The following CEP112 variants were observed in gnomAD, a reference collection of about 807,000 sequenced individuals.
CEP112 encodes the protein centrosomal protein of 112 kDa.
Under a neutral mutation model 153.0 loss-of-function variants are expected in CEP112, and 127 were observed. That is an observed-to-expected ratio of 0.83 (90% CI 0.72 to 0.96). The LOEUF (loss-of-function observed/expected upper bound fraction) is 0.96, where lower values mean the gene tolerates loss of function less well. Among genes scored for constraint, CEP112 ranks in the 40% least tolerant of loss-of-function variants. The pLI, the probability that CEP112 is intolerant of heterozygous loss-of-function variation, is 0.00. For missense variants in CEP112, 1,089 were observed against 1,101.2 expected (o/e 0.99, Z 0.16); for synonymous variants, 358 against 374.4 (o/e 0.96, Z 0.51).
At chr17:65,792,821 A>G (rs932529635) in intron 21 of CEP112, among the ~76,000 whole-genome samples, 1 of 152,204 alleles carries the variant, frequency 6.6e-6, no homozygotes, top group East Asian at 1.9e-4. Context: ...GCTGGCACTG[A>G]TATGTTTTAG....
Position 66,053,803 on chromosome 17 carries a change from A to G in CEP112, c.1151T>C (p.Leu384Ser), listed in dbSNP as rs371875976. 4 of 1,613,316 alleles carry G rather than the reference A, an allele frequency of 2.5e-6. No individual in the cohort carries two copies. Among genetic ancestry groups the G allele is most frequent in the Non-Finnish European group, 3.4e-6 (4 of 1,179,542 alleles). The change falls in exon 12 of 27, where the codon TTG (leucine) becomes TCG (serine). Residue 384 changes from leucine (L) to serine (S), a missense_variant. Leu to Ser is a moderately radical substitution (Grantham distance 145, BLOSUM62 -2). Transcript: ENST00000535342. ...QKQHTENIQE[L>S]LEDTNVRLNK... Reference sequence around the variant, plus strand: ...CAGACGCACATTTGTATCCTCAAGCAATTCTTGAATGTTTTCAGTGTGTTG... The same window carrying G: ...CAGACGCACATTTGTATCCTCAAGCGATTCTTGAATGTTTTCAGTGTGTTG...
chr17:66,106,071 A>G (rs2068769761), intron 6 of CEP112, among the ~76,000 whole-genome samples: 1 of 152,130 alleles, frequency 6.6e-6, no homozygotes, highest in Non-Finnish European at 1.5e-5. Flanking sequence ...AAAGAAATAA[A>G]GAAGGAAATA....
At chr17:66,023,412 G>A (rs1204097349) in intron 16 of CEP112, among the ~76,000 whole-genome samples, 2 of 152,102 alleles carry the variant, frequency 1.3e-5, no homozygotes, top group Admixed American at 6.5e-5. Flanking sequence ...ATTGGGATCC[G>A]ATCTTCAGAG....
At chr17:66,159,000 A>C (rs1323602561) in intron 4 of CEP112, among the ~76,000 whole-genome samples, 1 of 152,224 alleles carries the variant, frequency 6.6e-6, no homozygotes, top group African/African-American at 2.4e-5. Flanking sequence ...AGACACAATA[A>C]AAAATGATAA....
intron 12 of CEP112, among the ~76,000 whole-genome samples, chr17:66,030,741 A>G (rs1318265287): frequency 6.6e-6 from 1 of 152,186 alleles, no homozygotes; most frequent in African/African-American, 2.4e-5. Flanking sequence ...ATCATCTTTT[A>G]GATACTTTAT....
At chr17:66,024,985 A>G (rs971797723) in intron 16 of CEP112, among the ~76,000 whole-genome samples, 1 of 152,168 alleles carries the variant, frequency 6.6e-6, no homozygotes, top group African/African-American at 2.4e-5. Context: ...ACACCACCAC[A>G]TAACTACAGC....
chr17:65,699,777 A>C (rs148157017), intron 23 of CEP112, among the ~76,000 whole-genome samples: 78 of 152,106 alleles, frequency 5.1e-4, no homozygotes, highest in African/African-American at 1.7e-3. Context: ...ACAGAGGCGC[A>C]CCACTGCACC....
At chr17:65,800,406 C>A (rs181493676) in intron 21 of CEP112, among the ~76,000 whole-genome samples, 57 of 152,146 alleles carry the variant, frequency 3.7e-4, no homozygotes, top group African/African-American at 1.3e-3. Context: ...ATAGTATTTT[C>A]AAGGTTTATC....
chr17:65,909,708 C>T (rs2060213110), intron 19 of CEP112, among the ~76,000 whole-genome samples: 1 of 152,158 alleles, frequency 6.6e-6, no homozygotes, highest in Non-Finnish European at 1.5e-5. Flanking sequence ...AGAACATTCA[C>T]TGGCAGTGAA....
intron 24 of CEP112, among the ~76,000 whole-genome samples, chr17:65,642,145 T>C (rs1038349338): frequency 6.7e-6 from 1 of 149,074 alleles, no homozygotes; most frequent in Non-Finnish European, 1.5e-5. Flanking sequence ...TGGTGTCTTT[T>C]TCCAGCTGTG....
intron 16 of CEP112, among the ~76,000 whole-genome samples, chr17:66,023,349 AC>A (rs1324967156): frequency 4.6e-5 from 7 of 152,188 alleles, no homozygotes; most frequent in Non-Finnish European, 8.8e-5. Flanking sequence ...AAGAAAAAAA[AC>A]ATCAGACTAA....
Position 66,191,061 on chromosome 17 carries a change from C to T in CEP112, c.-9+936G>A, listed in dbSNP as rs186304987. On this transcript the variant is annotated intron_variant, in intron 1 of 26. Coordinates refer to ENST00000535342, the MANE Select transcript of CEP112 (RefSeq NM_001199165.4). This position sits in a 1 kb window ranked among gnomAD's most constrained non-coding sequence, Gnocchi z 4.2. Reference sequence around the variant, plus strand: ...GACAAGAGCCTTCCCTGACTCTACCCGTAGCTCAGTGTGTGCTTTAGAAAC... The same window carrying T: ...GACAAGAGCCTTCCCTGACTCTACCTGTAGCTCAGTGTGTGCTTTAGAAAC... 4.2e-3 allele frequency among the ~76,000 whole-genome samples: 642 copies of T among 152,294 alleles called. 1 individual carries two copies. Among genetic ancestry groups the T allele is most frequent in the South Asian group, 7.5e-3 (36 of 4,828 alleles).
intron 18 of CEP112, among the ~76,000 whole-genome samples, chr17:65,937,663 A>G (rs2061382551): frequency 1.2e-5 from 1 of 82,754 alleles, no homozygotes; most frequent in African/African-American, 4.3e-5. Context: ...CCGGGAGGTG[A>G]GGGGCGCCTC....
chr17:65,694,853 C>T (rs987738718), intron 23 of CEP112, among the ~76,000 whole-genome samples: 1 of 152,170 alleles, frequency 6.6e-6, no homozygotes, highest in Non-Finnish European at 1.5e-5. Flanking sequence ...CACAAAATCA[C>T]AACTTTTAGT....
intron 24 of CEP112, among the ~76,000 whole-genome samples, chr17:65,669,410 T>C (rs574566258): frequency 1.3e-5 from 2 of 152,234 alleles, no homozygotes; most frequent in African/African-American, 4.8e-5. Flanking sequence ...AGGGTATGTA[T>C]AGCCTGGCGA....
chr17:65,872,851 C>G (rs1190669308), intron 20 of CEP112: 1 of 152,062 alleles, frequency 6.6e-6, no homozygotes, highest in South Asian at 2.1e-4. Flanking sequence ...AAAAACATTC[C>G]GCAATTAAAA....
chr17:66,141,352 T>C (rs1424712148), intron 4 of CEP112, among the ~76,000 whole-genome samples: 1 of 151,894 alleles, frequency 6.6e-6, no homozygotes, highest in Non-Finnish European at 1.5e-5. Flanking sequence ...TTGAATCATA[T>C]TGAAAAAAAT....
At chr17:66,008,152 C>T (rs763220122) in intron 16 of CEP112, among the ~76,000 whole-genome samples, 26 of 151,874 alleles carry the variant, frequency 1.7e-4, no homozygotes, top group Non-Finnish European at 2.9e-4. Context: ...AATGACAAAT[C>T]GTATATACAT....
chr17:65,731,012 T>C (rs1391729754), intron 23 of CEP112, among the ~76,000 whole-genome samples: 1 of 152,116 alleles, frequency 6.6e-6, no homozygotes, highest in Non-Finnish European at 1.5e-5. Flanking sequence ...AGAAAGGACT[T>C]AGCCCTGGTG....
Sources: allele counts gnomAD v4.1 joint callset (sites outside exome capture counted in the v4.1 genomes callset), GRCh38; gene constraint gnomAD v4.1.1; non-coding constraint Gnocchi (gnomAD v3.1); transcripts MANE v1.5; gene names NCBI Gene and HGNC (gene_info 2026-07-23, HGNC 2026-07-21).